The following KDM7A variants were observed in gnomAD, a reference collection of about 807,000 sequenced individuals.
The protein encoded by KDM7A is lysine demethylase 7A.
In KDM7A, 28 loss-of-function variants were observed where a neutral mutation model predicts 114.8. The observed-to-expected ratio is 0.24, with a 90% CI of 0.18 to 0.33. KDM7A has a LOEUF of 0.33. KDM7A is among the 10% of genes least tolerant of loss of function. The pLI is 1.00. For synonymous variants in KDM7A, 423 were observed against 397.8 expected (o/e 1.06, Z -0.75); for missense variants, 942 against 1,142.5 (o/e 0.82, Z 2.53).
chr7:140,152,831 T>C (rs1274764174), intron 1 of KDM7A, among the ~76,000 whole-genome samples: 1 of 152,120 alleles, frequency 6.6e-6, no homozygotes, highest in Non-Finnish European at 1.5e-5. Context: ...CAAAAGATAA[T>C]TTGTCATTAT....
chr7:140,175,317 G>C (rs1167750057), intron 1 of KDM7A, among the ~76,000 whole-genome samples: 1 of 152,198 alleles, frequency 6.6e-6, no homozygotes, highest in East Asian at 1.9e-4. Context: ...GACCAGTAGA[G>C]GGAGACTAAG....
Position 140,090,898 on chromosome 7 carries a change from C to T in KDM7A, c.*196G>A, listed in dbSNP as rs1403356842. 1.1e-5 allele frequency: 6 copies of T among 560,488 alleles called. No individual in the cohort carries two copies. Among genetic ancestry groups the T allele is most frequent in the Non-Finnish European group, 1.9e-5 (6 of 312,414 alleles). 34.7% of individuals were successfully genotyped at this position (560,488 alleles called of 1,614,324 possible). The stretch of plus-strand genomic sequence containing the variant: ...AAGGTTCTACCCTCCTTCTTCCTCT[C>T]CCCCACCAGGTCCAAAATGGTTATT... On this transcript the variant is annotated 3_prime_UTR_variant, in exon 20 of 20. Transcript: ENST00000397560.
chr7:140,102,225 TCATC>T (rs1818242685), intron 11 of KDM7A, 65 bp from the exon 12 acceptor site: 14 of 1,134,490 alleles, frequency 1.2e-5, no homozygotes, highest in Admixed American at 1.8e-5. Context: ...GACTAAATAA[TCATC>T]CATAAAAATA....
intron 11 of KDM7A, among the ~76,000 whole-genome samples, chr7:140,109,504 T>A (rs1365675956): frequency 6.6e-6 from 1 of 152,222 alleles, no homozygotes; most frequent in East Asian, 1.9e-4. Flanking sequence ...GGTTGCTTGG[T>A]CTATCTTTTG....
chr7:140,122,278 C>T (rs956458568), intron 7 of KDM7A, among the ~76,000 whole-genome samples: 3 of 152,148 alleles, frequency 2.0e-5, no homozygotes, highest in African/African-American at 2.4e-5. Flanking sequence ...TATAAATTAC[C>T]TTTTTATTTC....
At chr7:140,124,353 T>C (rs1427045600) in intron 7 of KDM7A, among the ~76,000 whole-genome samples, 1 of 152,118 alleles carries the variant, frequency 6.6e-6, no homozygotes, top group Non-Finnish European at 1.5e-5. Context: ...AGCTGTACAC[T>C]TTAAAAGGGT....
Position 140,176,875 on chromosome 7 carries a change from C to G in KDM7A, c.63G>C (p.Val21=). 2 of 1,234,634 alleles carry G rather than the reference C, an allele frequency of 1.6e-6. No individual in the cohort carries two copies. Among genetic ancestry groups the G allele is most frequent in the Non-Finnish European group, 2.0e-6 (2 of 975,636 alleles). The allele number at this position is 1,234,634 out of a possible 1,614,324, so 76.5% of individuals were successfully genotyped here. A position where few individuals can be genotyped will look rare whatever the true frequency, so the allele number is the denominator to read the frequency against. The change falls in exon 1 of 20, where the codon GTG becomes GTC. Residue 21 remains valine (V), a synonymous_variant. Coordinates refer to ENST00000397560, the MANE Select transcript of KDM7A (RefSeq NM_030647.2). The surrounding 1 kb of genome is among the most constrained non-coding windows in gnomAD (Gnocchi z 4.4). ...GAAAGAAAAA[V]SVAAPGRASA... ...AGGCCCGGCCGGGAGCCGCCACCGA[C>G]ACGGCTGCCGCGGCGGCTCCAGCTG...
Position 140,176,276 on chromosome 7 carries a change from G to C in KDM7A, c.194+468C>G, listed in dbSNP as rs895367509. On this transcript the variant is annotated intron_variant, in intron 1 of 19. Transcript: ENST00000397560. This position sits in a 1 kb window ranked among gnomAD's most constrained non-coding sequence, Gnocchi z 4.4. ...GCCGGGGCGACCCCATCGCCGCCCGGAAGGAAGGCAGGCGCGTCGGCCGGC... is the reference window on the plus strand; with the variant it reads ...GCCGGGGCGACCCCATCGCCGCCCGCAAGGAAGGCAGGCGCGTCGGCCGGC... Among the ~76,000 whole-genome samples, 1 of 150,270 alleles carries C rather than the reference G, an allele frequency of 6.7e-6. No homozygotes were observed. Among genetic ancestry groups the C allele is most frequent in the Non-Finnish European group, 1.5e-5 (1 of 67,492 alleles).
intron 16 of KDM7A, 64 bp downstream of exon 16, chr7:140,096,834 TA>T: frequency 1.3e-6 from 2 of 1,585,564 alleles, no homozygotes; most frequent in South Asian, 1.1e-5. Context: ...AATTTAAAAC[TA>T]AAAAAAGTGT....
intron 1 of KDM7A, among the ~76,000 whole-genome samples, chr7:140,140,463 A>C (rs1371284169): frequency 6.6e-6 from 1 of 152,182 alleles, no homozygotes; most frequent in African/African-American, 2.4e-5. Flanking sequence ...AAATAACATG[A>C]AACCAGTCAC....
chr7:140,150,683 G>A (rs2116835202), intron 1 of KDM7A, among the ~76,000 whole-genome samples: 1 of 152,286 alleles, frequency 6.6e-6, no homozygotes, highest in South Asian at 2.1e-4. Flanking sequence ...GAGAAGAGGA[G>A]AATTGCTTTT....
At position 140,089,850 on chromosome 7, in the gene KDM7A, A is replaced by C. The variant is rs896499545; in HGVS notation, c.*1244T>G. On this transcript the variant is annotated 3_prime_UTR_variant, in exon 20 of 20. Coordinates refer to ENST00000397560, the MANE Select transcript of KDM7A (RefSeq NM_030647.2). ...AAATCCATATCTTAAGTAATTCTTT[A>C]GAAAATTAAGAAATAAAAAAAGTAA... 9 of 152,248 alleles carry C rather than the reference A, an allele frequency of 5.9e-5. No individual in the cohort carries two copies. The highest frequency in any genetic ancestry group is 1.3e-4 in the Non-Finnish European group (9 of 68,044). The allele number at this position is 152,248 out of a possible 1,614,324, so 9.4% of individuals were successfully genotyped here. A position where few individuals can be genotyped will look rare whatever the true frequency, so the allele number is the denominator to read the frequency against.
Position 140,088,865 on chromosome 7 carries a change from T to G in KDM7A, c.*2229A>C, listed in dbSNP as rs1294690941. The G allele has an allele frequency of 1.0e-5, 2 of 191,766 alleles. No homozygotes were observed. The highest frequency in any genetic ancestry group is 4.7e-5 in the African/African-American group (2 of 42,998). The allele number at this position is 191,766 out of a possible 1,614,324, so 11.9% of individuals were successfully genotyped here. A position where few individuals can be genotyped will look rare whatever the true frequency, so the allele number is the denominator to read the frequency against. ...TTAATTCATAAAAATAAATTAAATT[T>G]CATTTTAATTCATAAAAATAAAGTT... On this transcript the variant is annotated 3_prime_UTR_variant, in exon 20 of 20. Coordinates refer to ENST00000397560, the MANE Select transcript of KDM7A (RefSeq NM_030647.2).
rs58767645 is a variant in KDM7A at position 140,100,711 on chromosome 7, CATATAT to C, written c.1639-694_1639-689del. 3.1e-3 allele frequency among the ~76,000 whole-genome samples: 176 copies of C among 56,898 alleles called. 1 individual carries two copies. The highest frequency in any genetic ancestry group is 6.2e-3 in the African/African-American group (113 of 18,100). The allele number at this position is 56,898 out of a possible 152,430, so 37.3% of individuals were successfully genotyped here. On this transcript the variant is annotated intron_variant, in intron 12 of 19. Transcript: ENST00000397560. ...ATACATATATATATATATATATACA[CATATAT>C]ATATATATATATATATATATATATA...
Position 140,099,950 on chromosome 7 carries a change from C to G in KDM7A, c.1712G>C (p.Arg571Thr), listed in dbSNP as rs1585138750. The G allele has an allele frequency of 6.2e-7, 1 of 1,612,800 alleles. No homozygotes were observed. ...LQPSSTVPEW[R>T]AKDNDLRLLL... Reference sequence around the variant, plus strand: ...TAATCGTAGATCATTATCTTTCGCTCTCCATTCAGGTACTGTGGAGGATGG... The same window carrying G: ...TAATCGTAGATCATTATCTTTCGCTGTCCATTCAGGTACTGTGGAGGATGG... The change falls in exon 13 of 20, where the codon AGA becomes ACA. Residue 571 changes from arginine to threonine, a missense_variant. Around this residue, in one of 4 missense-constraint regions of KDM7A, gnomAD observed 512 missense variants for 576.6 expected, o/e 0.89. Transcript: ENST00000397560.
intron 1 of KDM7A, among the ~76,000 whole-genome samples, chr7:140,161,942 A>C (rs1794524079): frequency 6.6e-6 from 1 of 152,226 alleles, no homozygotes; most frequent in Non-Finnish European, 1.5e-5. Context: ...ACCTGACAAC[A>C]GTTTTTGCAC....
At chr7:140,169,468 C>T (rs1794614413) in intron 1 of KDM7A, among the ~76,000 whole-genome samples, 1 of 152,196 alleles carries the variant, frequency 6.6e-6, no homozygotes. Flanking sequence ...GATTTCATAC[C>T]GAAAAATACA....
chr7:140,095,170 C>T (rs561402351), intron 17 of KDM7A, among the ~76,000 whole-genome samples: 5 of 152,218 alleles, frequency 3.3e-5, no homozygotes, highest in Non-Finnish European at 5.9e-5. Flanking sequence ...ATTCCATGGC[C>T]GCCTATTGTA....
rs201155007 is a variant in KDM7A, at chr7:140,127,528, C to G, written c.615G>C (p.Met205Ile). ...IDVARQADSK[M>I]TLHNYVKYFM... ...AGTATTTAACATAATTGTGAAGTGT[C>G]ATTTTGCTGTCTGCCTGCCTCGCCA... The change falls in exon 5 of 20, where the codon ATG becomes ATC. Residue 205 changes from methionine to isoleucine, a missense_variant. Around this residue, in one of 4 missense-constraint regions of KDM7A, gnomAD observed 318 missense variants for 453.1 expected, o/e 0.70. Transcript: ENST00000397560. 5.0e-6 allele frequency: 8 copies of G among 1,613,844 alleles called. No individual in the cohort carries two copies. The East Asian group carries it at 1.8e-4, about 36-fold the overall frequency.
Sources: gnomAD v4.1 joint callset for allele counts (sites outside exome capture counted in the v4.1 genomes callset) on GRCh38, gnomAD v4.1.1 for gene constraint, gnomAD v4.1.1 regional missense constraint, Gnocchi (gnomAD v3.1) non-coding constraint, MANE v1.5 for transcripts, NCBI Gene and HGNC (gene_info 2026-07-23, HGNC 2026-07-21) for gene names.